The following DPH7 variants were observed in gnomAD, a reference collection of about 807,000 sequenced individuals.
DPH7 encodes the protein diphthamide biosynthesis 7.
In DPH7, 44 loss-of-function variants were observed where a neutral mutation model predicts 41.7. The ratio of observed to expected loss-of-function variants is 1.05; its 90% CI spans 0.83 to 1.36. The LOEUF (loss-of-function observed/expected upper bound fraction) is 1.36, where lower values mean the gene tolerates loss of function less well. DPH7 is among the 40% of genes most tolerant of loss of function. The pLI, the probability that DPH7 is intolerant of heterozygous loss-of-function variation, is 0.00. For synonymous variants in DPH7, 275 were observed against 238.0 expected (o/e 1.16, Z -1.43); for missense variants, 629 against 577.5 (o/e 1.09, Z -0.91).
intron 3 of DPH7, chr9:137,575,798 C>T: frequency 2.4e-6 from 3 of 1,235,850 alleles, no homozygotes; most frequent in Non-Finnish European, 3.1e-6. Flanking sequence ...AGAATGCTTG[C>T]CCAGGCTCTC....
intron 1 of DPH7, 153 bp downstream of exon 1, chr9:137,578,472 A>G: frequency 1.0e-6 from 1 of 1,002,928 alleles, no homozygotes; most frequent in Non-Finnish European, 1.4e-6. Flanking sequence ...GGCCGAGAAC[A>G]ATTTTTTTAA....
In DPH7 at chr9:137,578,850, G is replaced by GCGGCGAGGCCGGGGC. The variant is rs1235237405; in HGVS notation, c.-88_-74dup. ...GGGGCCGGGCTGGGTACTGCGCGGG[G>GCGGCGAGGCCGGGGC]CGGCGAGGCCGGGGCCGGCCGGACG... On this transcript the variant is annotated 5_prime_UTR_variant, in exon 1 of 9. Transcript: ENST00000277540. The GCGGCGAGGCCGGGGC allele has an allele frequency of 7.6e-7, 1 of 1,321,610 alleles. No homozygotes were observed. The highest frequency in any genetic ancestry group is 9.7e-7 in the Non-Finnish European group (1 of 1,030,118). 81.9% of individuals were successfully genotyped at this position (1,321,610 alleles called of 1,614,324 possible).
chr9:137,555,433 G>A lies in DPH7; in HGVS notation c.1165C>T (p.His389Tyr). 6.2e-7 allele frequency: 1 copy of A among 1,614,090 alleles called. No homozygotes were observed. The highest frequency in any genetic ancestry group is 8.5e-7 in the Non-Finnish European group (1 of 1,179,990). ...ECREDNDGEG[H>Y]ARPQSGMKPL... ...TTCATTCCACTCTGGGGTCTGGCAT[G>A]GCCCTCCCCATCGTTATCCTCTCTG... The change falls in exon 9 of 9, where the codon CAT becomes TAT. Residue 389 changes from histidine to tyrosine, a missense_variant. By Grantham distance (83) the His-to-Tyr change is moderately conservative (BLOSUM62 2). Transcript: ENST00000277540.
intron 3 of DPH7, chr9:137,575,552 T>C (rs1356923558): frequency 1.3e-5 from 13 of 992,734 alleles, no homozygotes; most frequent in Non-Finnish European, 1.6e-5. Flanking sequence ...GCCTGCAGCA[T>C]CTGCATCGGA....
Position 137,564,372 on chromosome 9 carries a change from A to G in DPH7, c.949+62T>C, listed in dbSNP as rs961804476. ...GGGAGCTGAGGGAAGAGCCCAGCAG[A>G]GCGAGGGGGCAGGGAACTGGTGCCC... On this transcript the variant is annotated intron_variant, in intron 8 of 8. Transcript: ENST00000277540. The G allele has an allele frequency of 3.9e-6, 6 of 1,555,844 alleles. No homozygotes were observed. The South Asian group carries it at 6.0e-5, about 16-fold the overall frequency.
At chr9:137,577,053 C>CAAA (rs71493678) in intron 2 of DPH7, among the ~76,000 whole-genome samples, 4 of 139,250 alleles carry the variant, frequency 2.9e-5, no homozygotes, top group Non-Finnish European at 4.7e-5. Context: ...AACCCTGCCT[C>CAAA]AAAAAAAAAA....
intron 5 of DPH7, among the ~76,000 whole-genome samples, chr9:137,568,541 TC>T (rs1444717787): frequency 6.8e-6 from 1 of 146,678 alleles, no homozygotes; most frequent in Non-Finnish European, 1.5e-5. Context: ...GTGAGGAAGC[TC>T]CCCTGGGTGA....
At chr9:137,558,292 T>G (rs1370153514) in intron 8 of DPH7, among the ~76,000 whole-genome samples, 3 of 152,136 alleles carry the variant, frequency 2.0e-5, no homozygotes, top group Non-Finnish European at 4.4e-5. Context: ...CACTGAGGAC[T>G]GAGTTGAGGC....
chr9:137,568,570 C>T (rs533424211), intron 5 of DPH7, among the ~76,000 whole-genome samples: 2 of 151,504 alleles, frequency 1.3e-5, no homozygotes, highest in South Asian at 2.2e-4. Context: ...TGTGAGGAAG[C>T]TCCCCGGGGT....
intron 5 of DPH7, among the ~76,000 whole-genome samples, chr9:137,569,879 C>T (rs180975093): frequency 2.0e-3 from 300 of 151,356 alleles, no homozygotes; most frequent in Non-Finnish European, 3.8e-3. Flanking sequence ...TCCATCCATC[C>T]ATCCATCCAC....
intron 5 of DPH7, among the ~76,000 whole-genome samples, chr9:137,569,323 C>T (rs1188204786): frequency 7.8e-6 from 1 of 128,194 alleles, no homozygotes; most frequent in African/African-American, 2.9e-5. Flanking sequence ...ACCCACCCCC[C>T]ACCCACCTTC....
chr9:137,564,702 G>C (rs967071093), intron 7 of DPH7, 96 bp from the exon 8 acceptor site: 3 of 1,516,258 alleles, frequency 2.0e-6, no homozygotes, highest in African/African-American at 1.4e-5. Context: ...CCAGAGACCT[G>C]TCCCATGCAT....
In DPH7 at chr9:137,555,568, G is replaced by A. The variant is rs61000970; in HGVS notation, c.1030C>T (p.Leu344Phe). The A allele has an allele frequency of 1.2e-6, 2 of 1,613,832 alleles. No homozygotes were observed. The highest frequency in any genetic ancestry group is 1.7e-6 in the Non-Finnish European group (2 of 1,179,964). The change falls in exon 9 of 9, where the codon CTC becomes TTC. Residue 344 changes from leucine to phenylalanine, a missense_variant. Coordinates refer to ENST00000277540, the MANE Select transcript of DPH7 (RefSeq NM_138778.5). ...GGGGCCCGCTGCAGAGAACGGAAGA[G>A]CAGCCAGGACCAGTCGGCTCCATAC... is the stretch of plus-strand genomic sequence containing the variant. ...LVYGADWSWLLFRSLQRAPSW... is the reference protein window; with the variant it reads ...LVYGADWSWLFFRSLQRAPSW...
rs1841628039 is a variant in DPH7, at chr9:137,577,541, A to G, written c.216T>C (p.Asn72=). The G allele has an allele frequency of 1.2e-6, 2 of 1,614,086 alleles. No homozygotes were observed. The highest frequency in any genetic ancestry group is 2.2e-5 in the East Asian group (1 of 44,884). Residue 72 remains asparagine (N), a synonymous_variant, in exon 2 of 9, where the codon AAT becomes AAC. Coordinates refer to ENST00000277540, the MANE Select transcript of DPH7 (RefSeq NM_138778.5). ...CCAGAGGGTGAATAGAGTTGTTGTC[A>G]TTGAAACTGTACAGGAAGAGACGGC... ...RLGRLFLYSF[N]DNNSIHPLVE...
Position 137,555,301 on chromosome 9 carries a change from G to T in DPH7, c.1297C>A (p.Leu433Ile). 6.2e-7 allele frequency: 1 copy of T among 1,613,180 alleles called. No homozygotes were observed. The change falls in exon 9 of 9, where the codon CTC becomes ATC. Residue 433 changes from leucine (L) to isoleucine (I), a missense_variant. Leu to Ile is a conservative substitution (Grantham distance 5). Transcript: ENST00000277540. ...NPEEADSAFS[L>I]LATCSFYDHA... ...TCATAGAAGGAGCAGGTGGCCAGGAGGCTGAAGGCTGAGTCTGCTTCTTCT... is the reference window on the plus strand; with the variant it reads ...TCATAGAAGGAGCAGGTGGCCAGGATGCTGAAGGCTGAGTCTGCTTCTTCT...
Position 137,555,080 on chromosome 9 carries a change from T to G in DPH7, c.*159A>C, listed in dbSNP as rs1179489965. The G allele has an allele frequency of 1.1e-6, 1 of 891,164 alleles. No homozygotes were observed. The highest frequency in any genetic ancestry group is 1.6e-6 in the Non-Finnish European group (1 of 634,578). The allele number at this position is 891,164 out of a possible 1,614,324, so 55.2% of individuals were successfully genotyped here. The stretch of plus-strand genomic sequence containing the variant: ...TCAGGGGCCCAGCAGGGAAGCTGAT[T>G]TAAGAGAAGTCAACAGCTTTTCTGA... On this transcript the variant is annotated 3_prime_UTR_variant, in exon 9 of 9. Coordinates refer to ENST00000277540, the MANE Select transcript of DPH7 (RefSeq NM_138778.5).
At chr9:137,564,784 C>A in intron 7 of DPH7, 109 bp downstream of exon 7, 1 of 1,445,002 alleles carries the variant, frequency 6.9e-7, no homozygotes, top group South Asian at 1.2e-5. Context: ...AGACGAAATG[C>A]TGCAATGGTG....
intron 7 of DPH7, 100 bp from the exon 8 acceptor site, chr9:137,564,706 C>T (rs1839263004): frequency 2.7e-6 from 4 of 1,509,152 alleles, no homozygotes; most frequent in Middle Eastern, 1.8e-4. Flanking sequence ...AGACCTGTCC[C>T]ATGCATCCCT....
intron 5 of DPH7, among the ~76,000 whole-genome samples, chr9:137,572,159 C>T (rs778027087): frequency 1.3e-5 from 2 of 152,184 alleles, no homozygotes; most frequent in Non-Finnish European, 2.9e-5. Flanking sequence ...GGAAGGACAG[C>T]TGCTCTGCGT....
Sources: allele counts gnomAD v4.1 joint callset (sites outside exome capture counted in the v4.1 genomes callset), GRCh38; gene constraint gnomAD v4.1.1; transcripts MANE v1.5; gene names NCBI Gene and HGNC (gene_info 2026-07-23, HGNC 2026-07-21).